The following CAMTA1 variants were observed in gnomAD, a reference collection of about 807,000 sequenced individuals.
The protein encoded by CAMTA1 is calmodulin-binding transcription activator 1.
CAMTA1 carries 27 observed loss-of-function variants against 170.9 expected under a neutral mutation model. That is an observed-to-expected ratio of 0.16 (90% CI 0.12 to 0.22). CAMTA1 has a LOEUF of 0.22. CAMTA1 is among the 10% of genes least tolerant of loss of function. CAMTA1 has a pLI of 1.00. For synonymous variants in CAMTA1, 833 were observed against 891.5 expected, an observed-to-expected ratio of 0.93 and a Z score of 1.17; for missense variants, 1,619 against 2,217.2, an observed-to-expected ratio of 0.73 and a Z score of 5.42.
chr1:7,202,206 G>A (rs375471412), intron 4 of CAMTA1, among the ~76,000 whole-genome samples: 1 of 152,192 alleles, frequency 6.6e-6, no homozygotes, highest in African/African-American at 2.4e-5. Context: ...ACAGCTGTAT[G>A]GGTTTATTTC....
chr1:7,107,278 A>ATATGTGTGTGTG (rs1553247657), intron 4 of CAMTA1, among the ~76,000 whole-genome samples: 1 of 142,332 alleles, frequency 7.0e-6, no homozygotes, highest in African/African-American at 2.7e-5. Context: ...GTGTGTGTGC[A>ATATGTGTGTGTG]TGTGTGTGTG....
intron 5 of CAMTA1, among the ~76,000 whole-genome samples, chr1:7,383,332 A>C (rs2087564437): frequency 6.6e-6 from 1 of 152,038 alleles, no homozygotes; most frequent in Admixed American, 6.5e-5. Context: ...GCACTTACTC[A>C]GACGCCTAAT....
intron 5 of CAMTA1, among the ~76,000 whole-genome samples, chr1:7,301,750 A>G (rs1398908079): frequency 6.6e-6 from 1 of 152,068 alleles, no homozygotes; most frequent in East Asian, 1.9e-4. Context: ...TGCTGCAGAG[A>G]TGCTTTTCTC....
chr1:7,085,285 C>T (rs1640588960), intron 3 of CAMTA1, among the ~76,000 whole-genome samples: 1 of 152,208 alleles, frequency 6.6e-6, no homozygotes, highest in African/African-American at 2.4e-5. Context: ...TCACGTAGGG[C>T]CCGAGCCTCG....
intron 5 of CAMTA1, among the ~76,000 whole-genome samples, chr1:7,309,352 T>G (rs1292818436): frequency 1.5e-5 from 2 of 130,248 alleles, no homozygotes; most frequent in African/African-American, 2.9e-5. Flanking sequence ...CAGGCTGGAG[T>G]GCAGTGACAC....
intron 3 of CAMTA1, among the ~76,000 whole-genome samples, chr1:6,850,971 G>C (rs1660150551): frequency 6.6e-6 from 1 of 152,176 alleles, no homozygotes; most frequent in South Asian, 2.1e-4. Context: ...AAAGAAGCAA[G>C]TATAATTTCT....
At chr1:7,006,221 A>C (rs1210438398) in intron 3 of CAMTA1, among the ~76,000 whole-genome samples, 1 of 152,150 alleles carries the variant, frequency 6.6e-6, no homozygotes. Context: ...GATTCTCCCA[A>C]CTCTATCCTT....
chr1:7,524,029 C>T (rs1400095975), intron 6 of CAMTA1, among the ~76,000 whole-genome samples: 1 of 151,978 alleles, frequency 6.6e-6, no homozygotes, highest in Non-Finnish European at 1.5e-5. Flanking sequence ...GGTAAAACAC[C>T]TGTCTCTACT....
intron 5 of CAMTA1, among the ~76,000 whole-genome samples, chr1:7,261,906 A>G (rs1451587540): frequency 3.3e-5 from 5 of 152,232 alleles, no homozygotes; most frequent in African/African-American, 1.2e-4. Flanking sequence ...TCTTTTCCAT[A>G]GGAGACTGTG....
intron 3 of CAMTA1, among the ~76,000 whole-genome samples, chr1:6,886,918 A>G (rs1673399606): frequency 6.6e-6 from 1 of 152,162 alleles, no homozygotes. Context: ...TAATTGGGAG[A>G]TGCTAGTCGT....
At chr1:7,535,852 G>A (rs1242537523) in intron 6 of CAMTA1, among the ~76,000 whole-genome samples, 1 of 152,138 alleles carries the variant, frequency 6.6e-6, no homozygotes, top group Non-Finnish European at 1.5e-5. Context: ...CAGGAACCTG[G>A]GGCGCTGCCA....
chr1:7,382,992 G>A (rs2087515276), intron 5 of CAMTA1, among the ~76,000 whole-genome samples: 1 of 152,298 alleles, frequency 6.6e-6, no homozygotes, highest in East Asian at 1.9e-4. Context: ...TATGTGCCAG[G>A]CACTGTGCTA....
chr1:6,933,011 CT>C (rs946146672), intron 3 of CAMTA1, among the ~76,000 whole-genome samples: 18 of 147,354 alleles, frequency 1.2e-4, no homozygotes, highest in African/African-American at 2.2e-4. Flanking sequence ...TTTTTTAAAT[CT>C]TTTTTTTTTC....
chr1:7,471,846 C>T (rs1243713098), intron 6 of CAMTA1, among the ~76,000 whole-genome samples: 3 of 152,220 alleles, frequency 2.0e-5, no homozygotes, highest in African/African-American at 7.2e-5. Flanking sequence ...CCTCATGTGC[C>T]CCTTTCTCCT....
intron 3 of CAMTA1, among the ~76,000 whole-genome samples, chr1:7,066,090 A>G (rs1708922333): frequency 6.6e-6 from 1 of 152,160 alleles, no homozygotes; most frequent in Non-Finnish European, 1.5e-5. Context: ...ATACCTGTTT[A>G]TGTCCTAATT....
chr1:7,644,259 A>C (rs1458986358), intron 7 of CAMTA1, among the ~76,000 whole-genome samples: 1 of 152,142 alleles, frequency 6.6e-6, no homozygotes, highest in Non-Finnish European at 1.5e-5. Context: ...CTTTGGTCAG[A>C]AGGGGGCTTC....
chr1:7,116,992 G>A (rs1310653331), intron 4 of CAMTA1, among the ~76,000 whole-genome samples: 2 of 148,798 alleles, frequency 1.3e-5, no homozygotes, highest in Non-Finnish European at 1.5e-5. Context: ...TTTTTTGACA[G>A]AGTTTTGCTC....
intron 7 of CAMTA1, among the ~76,000 whole-genome samples, chr1:7,643,841 G>A (rs1294032751): frequency 2.0e-5 from 3 of 152,224 alleles, no homozygotes; most frequent in African/African-American, 7.2e-5. Flanking sequence ...GGCTGCAGGA[G>A]AAGGCGCAGA....
chr1:7,423,937 C>T (rs1007488575), intron 5 of CAMTA1, among the ~76,000 whole-genome samples: 3 of 152,180 alleles, frequency 2.0e-5, no homozygotes, highest in Non-Finnish European at 4.4e-5. Context: ...AGGCGGCCAA[C>T]TCTTTGCCCA....
Sources: gnomAD v4.1 joint callset for allele counts (sites outside exome capture counted in the v4.1 genomes callset) on GRCh38, gnomAD v4.1.1 for gene constraint, MANE v1.5 for transcripts, NCBI Gene and HGNC (gene_info 2026-07-23, HGNC 2026-07-21) for gene names.